EYS: variants seen among roughly 807,000 people sequenced by gnomAD.
EYS encodes protein eyes shut homolog.
In EYS, 250 loss-of-function variants were observed where a neutral mutation model predicts 282.1. The observed-to-expected ratio is 0.89, with a 90% CI of 0.80 to 0.98. The LOEUF is 0.98. Ranked by LOEUF, EYS falls within the 50% of genes least tolerant of loss-of-function variation. EYS has a pLI of 0.00. For synonymous variants in EYS, 1,355 were observed against 1,282.9 expected, an observed-to-expected ratio of 1.06 and a Z score of -1.20; for missense variants, 4,016 against 3,709.0, an observed-to-expected ratio of 1.08 and a Z score of -2.15.
Position 65,495,608 on chromosome 6 carries a change from C to A in EYS, c.-197-1G>T. The A allele has an allele frequency of 1.6e-5, 10 of 612,278 alleles. No homozygotes were observed. In the South Asian group the frequency reaches 2.0e-4, roughly 12 times the overall value. The allele number at this position is 612,278 out of a possible 1,614,324, so 37.9% of individuals were successfully genotyped here. On this transcript the variant is annotated splice_acceptor_variant, in intron 3 of 42. Transcript: ENST00000503581. LOFTEE classifies it low-confidence loss of function (5UTR_SPLICE). ...AGGAATTCAAATGTTGTAAATATTC[C>A]TTTAAACAGAAAAAAACATATATTG...
chr6:65,542,531 A>G (rs923486568), intron 2 of EYS, among the ~76,000 whole-genome samples: 14 of 151,516 alleles, frequency 9.2e-5, no homozygotes, highest in African/African-American at 3.2e-4. Flanking sequence ...AACACTAAGG[A>G]TATGTGTCAA....
intron 19 of EYS, among the ~76,000 whole-genome samples, chr6:64,849,108 C>A (rs972312613): frequency 4.6e-5 from 7 of 151,818 alleles, no homozygotes; most frequent in Non-Finnish European, 7.4e-5. Flanking sequence ...AATATATATA[C>A]AATTTGAATG....
chr6:65,169,372 GATAA>G (rs1236081295), intron 12 of EYS, among the ~76,000 whole-genome samples: 5 of 151,344 alleles, frequency 3.3e-5, no homozygotes, highest in South Asian at 4.1e-4. Context: ...TTGTGGCATT[GATAA>G]ATAGTTTGCA....
chr6:65,087,815 A>T (rs890224719), intron 12 of EYS, among the ~76,000 whole-genome samples: 4 of 152,156 alleles, frequency 2.6e-5, no homozygotes, highest in African/African-American at 7.2e-5. Flanking sequence ...TCTAAGCTCA[A>T]TGATATGGTT....
intron 15 of EYS, among the ~76,000 whole-genome samples, chr6:64,914,733 A>C (rs1266841713): frequency 6.6e-6 from 1 of 152,138 alleles, no homozygotes; most frequent in Non-Finnish European, 1.5e-5. Flanking sequence ...GACATAATTG[A>C]CTAATAAAGT....
intron 12 of EYS, among the ~76,000 whole-genome samples, chr6:65,126,448 T>C (rs1032717594): frequency 6.6e-6 from 1 of 152,188 alleles, no homozygotes; most frequent in Admixed American, 6.5e-5. Context: ...GGATCCTAAA[T>C]AGGCTGCTTG....
At chr6:65,410,031 A>G in intron 5 of EYS, among the ~76,000 whole-genome samples, 1 of 152,222 alleles carries the variant, frequency 6.6e-6, no homozygotes, top group Non-Finnish European at 1.5e-5. Flanking sequence ...ATACATTAAC[A>G]TAATGTTTTC....
At chr6:65,022,240 T>C (rs1043329900) in intron 13 of EYS, among the ~76,000 whole-genome samples, 4 of 152,242 alleles carry the variant, frequency 2.6e-5, no homozygotes, top group African/African-American at 7.2e-5. Context: ...ACTGCCTACA[T>C]AGTGCTACAG....
chr6:65,348,695 T>A (rs1770491409), intron 9 of EYS, among the ~76,000 whole-genome samples: 1 of 151,742 alleles, frequency 6.6e-6, no homozygotes, highest in Non-Finnish European at 1.5e-5. Context: ...TTTCCTTTCT[T>A]CTACAGAAGC....
At chr6:64,372,947 T>A (rs115306405) in intron 29 of EYS, among the ~76,000 whole-genome samples, 4,741 of 152,322 alleles carry the variant, frequency 0.031, 230 homozygotes, top group African/African-American at 0.11. Flanking sequence ...ATGGCCATTT[T>A]GTCTACCAGC....
chr6:64,524,939 C>T (rs1777870944), intron 26 of EYS, among the ~76,000 whole-genome samples: 1 of 151,622 alleles, frequency 6.6e-6, no homozygotes, highest in Non-Finnish European at 1.5e-5. Context: ...TCAATACCCC[C>T]AATTATTAGA....
chr6:64,660,505 A>C (rs1034638513), intron 22 of EYS, among the ~76,000 whole-genome samples: 4 of 152,120 alleles, frequency 2.6e-5, no homozygotes, highest in African/African-American at 9.7e-5. Flanking sequence ...CTCAGCCCAA[A>C]ATCTCCTTAA....
intron 12 of EYS, among the ~76,000 whole-genome samples, chr6:65,195,502 T>C (rs1330654437): frequency 6.6e-6 from 1 of 152,064 alleles, no homozygotes; most frequent in Non-Finnish European, 1.5e-5. Flanking sequence ...TCCTTTTCCC[T>C]TCTTTAAAAA....
At chr6:64,108,885 T>G (rs1773117332) in intron 31 of EYS, among the ~76,000 whole-genome samples, 1 of 152,122 alleles carries the variant, frequency 6.6e-6, no homozygotes, top group Non-Finnish European at 1.5e-5. Context: ...CTAAATATGA[T>G]TTTTACTTGG....
intron 19 of EYS, among the ~76,000 whole-genome samples, chr6:64,824,879 T>C (rs75886021): frequency 0.043 from 6,588 of 151,976 alleles, 211 homozygotes; most frequent in Non-Finnish European, 0.068. Context: ...AAATTGTGGT[T>C]ATAATTTGAC....
intron 2 of EYS, among the ~76,000 whole-genome samples, chr6:65,592,551 A>G (rs1332857959): frequency 1.3e-5 from 2 of 152,008 alleles, no homozygotes; most frequent in Non-Finnish European, 2.9e-5. Flanking sequence ...AGTGATTGAC[A>G]TATGCTATCT....
intron 5 of EYS, among the ~76,000 whole-genome samples, chr6:65,480,408 C>T (rs1340834915): frequency 6.6e-6 from 1 of 152,032 alleles, no homozygotes; most frequent in African/African-American, 2.4e-5. Flanking sequence ...TTAAATATTT[C>T]ATTGACATTT....
chr6:64,613,912 T>A (rs1767186275), intron 24 of EYS, among the ~76,000 whole-genome samples: 1 of 152,112 alleles, frequency 6.6e-6, no homozygotes, highest in Admixed American at 6.6e-5. Context: ...CAAGTGAAAC[T>A]ATTTTACCAG....
intron 31 of EYS, among the ~76,000 whole-genome samples, chr6:64,110,805 G>A (rs1047941562): frequency 6.6e-6 from 1 of 151,940 alleles, no homozygotes; most frequent in Non-Finnish European, 1.5e-5. Flanking sequence ...AGAGAGGCAG[G>A]CACCATAAGG....
Sources: allele counts gnomAD v4.1 joint callset (sites outside exome capture counted in the v4.1 genomes callset), GRCh38; gene constraint gnomAD v4.1.1; transcripts MANE v1.5; gene names NCBI Gene and HGNC (gene_info 2026-07-23, HGNC 2026-07-21).